The following SLC8A3 variants were observed in gnomAD, a reference collection of about 807,000 sequenced individuals.
The protein encoded by SLC8A3 is sodium/calcium exchanger 3.
Under a neutral mutation model 65.4 loss-of-function variants are expected in SLC8A3, and 37 were observed. The observed-to-expected ratio is 0.57, with a 90% CI of 0.44 to 0.74. The LOEUF (loss-of-function observed/expected upper bound fraction) is 0.74, where lower values mean the gene tolerates loss of function less well. Among genes scored for constraint, SLC8A3 ranks in the 30% least tolerant of loss-of-function variants. The pLI, the probability that SLC8A3 is intolerant of heterozygous loss-of-function variation, is 0.00. For missense variants in SLC8A3, 1,112 were observed against 1,172.1 expected, an observed-to-expected ratio of 0.95 and a Z score of 0.75; for synonymous variants, 461 against 444.5, an observed-to-expected ratio of 1.04 and a Z score of -0.47.
chr14:70,102,318 G>A (rs1218765271), intron 2 of SLC8A3, among the ~76,000 whole-genome samples: 2 of 152,154 alleles, frequency 1.3e-5, no homozygotes, highest in Non-Finnish European at 2.9e-5. Context: ...GATCAAGTTT[G>A]ACAGGAACAA....
chr14:70,078,132 G>A (rs2139976353), intron 2 of SLC8A3, among the ~76,000 whole-genome samples: 1 of 152,282 alleles, frequency 6.6e-6, no homozygotes, highest in East Asian at 1.9e-4. Context: ...TTCAGGGCAG[G>A]TAAGAGTCAG....
chr14:70,079,212 G>A (rs571012649), intron 2 of SLC8A3, among the ~76,000 whole-genome samples: 11 of 151,892 alleles, frequency 7.2e-5, no homozygotes, highest in East Asian at 3.9e-4. Context: ...GGCTAGGCAC[G>A]GTAGCTCACA....
chr14:70,090,908 C>T (rs1410760488), intron 2 of SLC8A3, among the ~76,000 whole-genome samples: 1 of 152,164 alleles, frequency 6.6e-6, no homozygotes, highest in African/African-American at 2.4e-5. Context: ...AATGCACATA[C>T]TCACACACAA....
At chr14:70,134,593 T>C (rs1423796000) in intron 2 of SLC8A3, among the ~76,000 whole-genome samples, 3 of 152,190 alleles carry the variant, frequency 2.0e-5, no homozygotes, top group African/African-American at 7.2e-5. Context: ...ATGTCTAATC[T>C]CCATCCACTT....
intron 2 of SLC8A3, chr14:70,063,914 G>C: frequency 6.2e-7 from 1 of 1,601,460 alleles, no homozygotes; most frequent in Non-Finnish European, 8.6e-7. Context: ...CAATTACCTT[G>C]ATGTGAATTG....
rs935974234 is a variant in SLC8A3, at chr14:70,167,885, T to C, written c.538A>G (p.Ile180Val). The change falls in exon 2 of 7, where the codon ATC (isoleucine) becomes GTC (valine). Residue 180 changes from isoleucine (I) to valine (V), a missense_variant. Physicochemically the swap from Ile to Val is conservative, Grantham distance 29. Transcript: ENST00000356921. ...ACGTAGACACAGATGCCAATGATGA[T>C]GAACATGTTGAAGGCTGCACTCCCT... Reference protein sequence around the residue: ...IVGSAAFNMFIIIGICVYVIP... With the variant: ...IVGSAAFNMFVIIGICVYVIP... 4.3e-6 allele frequency: 7 copies of C among 1,614,050 alleles called. No homozygotes were observed. The highest frequency in any genetic ancestry group is 1.7e-5 in the Admixed American group (1 of 59,992).
intron 2 of SLC8A3, among the ~76,000 whole-genome samples, chr14:70,154,659 A>G (rs963943044): frequency 7.9e-5 from 12 of 152,122 alleles, no homozygotes; most frequent in Non-Finnish European, 1.8e-4. Flanking sequence ...ATCTGTACAT[A>G]TTTACTTCTT....
At chr14:70,143,213 C>A (rs1202351319) in intron 2 of SLC8A3, among the ~76,000 whole-genome samples, 2 of 152,214 alleles carry the variant, frequency 1.3e-5, no homozygotes, top group Non-Finnish European at 2.9e-5. Context: ...GGGCCTAGCC[C>A]ATGAGGCCTG....
intron 2 of SLC8A3, among the ~76,000 whole-genome samples, chr14:70,114,400 G>GC (rs1325216804): frequency 8.5e-5 from 13 of 152,298 alleles, no homozygotes; most frequent in African/African-American, 3.1e-4. Context: ...CTCTTATTCA[G>GC]CCTAGTCATA....
chr14:70,139,823 A>G (rs1298714529), intron 2 of SLC8A3, among the ~76,000 whole-genome samples: 1 of 152,216 alleles, frequency 6.6e-6, no homozygotes, highest in African/African-American at 2.4e-5. Context: ...CTGAGGGGCT[A>G]TAGTGGAACT....
intron 2 of SLC8A3, among the ~76,000 whole-genome samples, chr14:70,088,100 G>A (rs1891560882): frequency 6.6e-6 from 1 of 152,200 alleles, no homozygotes; most frequent in Non-Finnish European, 1.5e-5. Flanking sequence ...AGGTAAGTGA[G>A]GGGCAGAGAT....
At chr14:70,097,797 A>G (rs1892289529) in intron 2 of SLC8A3, among the ~76,000 whole-genome samples, 1 of 152,174 alleles carries the variant, frequency 6.6e-6, no homozygotes. Flanking sequence ...TTTAAAGTAC[A>G]GGGGCAGGTG....
intron 2 of SLC8A3, among the ~76,000 whole-genome samples, chr14:70,120,112 G>A (rs1423931131): frequency 2.0e-5 from 3 of 152,304 alleles, no homozygotes; most frequent in African/African-American, 4.8e-5. Context: ...GAGCCAATAC[G>A]ATGGAAGCTG....
chr14:70,088,441 G>A (rs1891589186), intron 2 of SLC8A3, among the ~76,000 whole-genome samples: 1 of 152,122 alleles, frequency 6.6e-6, no homozygotes, highest in African/African-American at 2.4e-5. Context: ...CTACTCTCAG[G>A]TAACGGCTCC....
At chr14:70,056,831 T>C (rs1166784849) in intron 3 of SLC8A3, among the ~76,000 whole-genome samples, 2 of 152,234 alleles carry the variant, frequency 1.3e-5, no homozygotes, top group Non-Finnish European at 2.9e-5. Context: ...ATACAGGTTG[T>C]CTCTAGCCCT....
chr14:70,166,197 G>A (rs1221566382), intron 2 of SLC8A3, among the ~76,000 whole-genome samples: 1 of 152,182 alleles, frequency 6.6e-6, no homozygotes, highest in African/African-American at 2.4e-5. Flanking sequence ...TGTTCTGATG[G>A]GCTATTGCTG....
chr14:70,050,196 T>TC (rs1388038299), intron 5 of SLC8A3, among the ~76,000 whole-genome samples: 1 of 152,120 alleles, frequency 6.6e-6, no homozygotes, highest in Non-Finnish European at 1.5e-5. Flanking sequence ...AGGGGCACAG[T>TC]CAGGTCATCA....
rs149851770 is a variant in SLC8A3, at chr14:70,184,347, A to C, written c.-63+4032T>G. On this transcript the variant is annotated intron_variant, in intron 1 of 6. Coordinates refer to ENST00000356921, the MANE Select transcript of SLC8A3 (RefSeq NM_182932.3). ...ACCCCGTGCTGGAAACTCAGTGGAA[A>C]TTCTTAGCATGGAGTACAAGCCCTT... Among the ~76,000 whole-genome samples, 213 of 152,306 alleles carry C rather than the reference A, an allele frequency of 1.4e-3. 2 individuals are homozygous for C. The highest frequency in any genetic ancestry group is 5.0e-3 in the African/African-American group (207 of 41,566).
intron 2 of SLC8A3, among the ~76,000 whole-genome samples, chr14:70,072,591 ATCCG>A (rs886108157): frequency 1.4e-4 from 13 of 95,868 alleles, no homozygotes; most frequent in Admixed American, 6.4e-4. Context: ...ATGTCTATCT[ATCCG>A]TCCATCCATC....
Sources: gnomAD v4.1 joint callset for allele counts (sites outside exome capture counted in the v4.1 genomes callset) on GRCh38, gnomAD v4.1.1 for gene constraint, MANE v1.5 for transcripts, NCBI Gene and HGNC (gene_info 2026-07-23, HGNC 2026-07-21) for gene names.